The following NBEA variants were observed in gnomAD, a reference collection of about 807,000 sequenced individuals.
NBEA encodes lysosomal-trafficking regulator 2.
NBEA carries 44 observed loss-of-function variants against 343.4 expected under a neutral mutation model. The ratio of observed to expected loss-of-function variants is 0.13; its 90% CI spans 0.10 to 0.16. NBEA has a LOEUF of 0.16. Among genes scored for constraint, NBEA ranks in the 10% least tolerant of loss-of-function variants. NBEA has a pLI of 1.00. For missense variants in NBEA, 2,555 were observed against 3,631.3 expected, an observed-to-expected ratio of 0.70 and a Z score of 7.62; for synonymous variants, 1,175 against 1,238.7, an observed-to-expected ratio of 0.95 and a Z score of 1.08.
chr13:35,611,024 G>T (rs2153054553), intron 48 of NBEA, among the ~76,000 whole-genome samples: 1 of 144,066 alleles, frequency 6.9e-6, no homozygotes, highest in East Asian at 2.0e-4. Flanking sequence ...ACATTAGAAT[G>T]ACTTTAAAAA....
At chr13:35,337,382 T>C (rs949510810) in intron 36 of NBEA, among the ~76,000 whole-genome samples, 1 of 152,092 alleles carries the variant, frequency 6.6e-6, no homozygotes, top group African/African-American at 2.4e-5. Flanking sequence ...AACTATATTT[T>C]AATACAAAAA....
At chr13:34,943,200 A>T in intron 1 of NBEA, 86 bp downstream of exon 1, 2 of 1,516,994 alleles carry the variant, frequency 1.3e-6, no homozygotes, top group Non-Finnish European at 1.8e-6. Context: ...CTTCACCCCC[A>T]GGGTCACACG....
At chr13:35,175,198 C>A (rs1473243482) in intron 27 of NBEA, among the ~76,000 whole-genome samples, 2 of 152,106 alleles carry the variant, frequency 1.3e-5, no homozygotes, top group Admixed American at 6.6e-5. Context: ...GGTTTTGCGA[C>A]CTGAGAGAAA....
chr13:35,620,397 A>G (rs1353090011), intron 48 of NBEA, among the ~76,000 whole-genome samples: 1 of 152,008 alleles, frequency 6.6e-6, no homozygotes, highest in Non-Finnish European at 1.5e-5. Flanking sequence ...GGGAAAGAGC[A>G]TGGTGGGCAA....
In NBEA at chr13:35,593,439, G is replaced by C; in HGVS notation, c.7288G>C (p.Asp2430His). Residue 2430 changes from aspartate to histidine, a missense_variant, in exon 47 of 59, where the codon GAT becomes CAT. Physicochemically the swap from Asp to His is moderately conservative, Grantham distance 81 (BLOSUM62 -1). This residue lies in a region of NBEA where 156 missense variants were observed against 185.8 expected (regional missense o/e 0.84). Transcript: ENST00000379939. ...GAGAACTAGTCAGAGAGATACTTCTGATGTAAAGGTAGGCTCTTTTATTTG... is the reference window on the plus strand; with the variant it reads ...GAGAACTAGTCAGAGAGATACTTCTCATGTAAAGGTAGGCTCTTTTATTTG... ...SWRTSQRDTS[D>H]VKELIPEFYY... The C allele has an allele frequency of 6.2e-7, 1 of 1,606,020 alleles. No homozygotes were observed. The highest frequency in any genetic ancestry group is 8.5e-7 in the Non-Finnish European group (1 of 1,176,768).
chr13:35,548,267 A>G (rs531651345), intron 41 of NBEA, among the ~76,000 whole-genome samples: 1 of 152,332 alleles, frequency 6.6e-6, no homozygotes, highest in Non-Finnish European at 1.5e-5. Context: ...TATAAAATAC[A>G]GTTTTACATG....
chr13:34,999,462 A>C (rs1306503782), intron 1 of NBEA, among the ~76,000 whole-genome samples: 2 of 152,116 alleles, frequency 1.3e-5, no homozygotes, highest in Non-Finnish European at 2.9e-5. Flanking sequence ...ATGAGTGAAG[A>C]GCTTGACATT....
chr13:35,061,736 T>C (rs1288354531), intron 8 of NBEA, among the ~76,000 whole-genome samples: 1 of 151,766 alleles, frequency 6.6e-6, no homozygotes, highest in Non-Finnish European at 1.5e-5. Flanking sequence ...TTCAGAGGAT[T>C]TCCAATACTT....
At chr13:35,070,558 G>T (rs1288963377) in intron 9 of NBEA, among the ~76,000 whole-genome samples, 161 bp from the exon 10 acceptor site, 2 of 151,552 alleles carry the variant, frequency 1.3e-5, no homozygotes, top group African/African-American at 2.4e-5. Context: ...ATTAGCAAAG[G>T]TATTCACTTT....
intron 1 of NBEA, among the ~76,000 whole-genome samples, chr13:34,965,400 A>G (rs2059788793): frequency 6.6e-6 from 1 of 152,014 alleles, no homozygotes; most frequent in Non-Finnish European, 1.5e-5. Flanking sequence ...CCACAGTATC[A>G]CAGAGAAGAA....
intron 38 of NBEA, among the ~76,000 whole-genome samples, chr13:35,364,833 G>A (rs1191490273): frequency 6.6e-6 from 1 of 151,790 alleles, no homozygotes; most frequent in Non-Finnish European, 1.5e-5. Flanking sequence ...TTTAACAGGA[G>A]CCTTAAAAGA....
intron 10 of NBEA, among the ~76,000 whole-genome samples, chr13:35,094,337 C>A (rs1175469326): frequency 2.0e-5 from 3 of 152,056 alleles, no homozygotes; most frequent in Non-Finnish European, 4.4e-5. Context: ...TCAGTGATTT[C>A]ATGTGCTATC....
chr13:35,523,108 A>T (rs2077796788), intron 41 of NBEA, among the ~76,000 whole-genome samples: 1 of 152,202 alleles, frequency 6.6e-6, no homozygotes, highest in Non-Finnish European at 1.5e-5. Context: ...CACTAAGATA[A>T]TGACAAAAAC....
chr13:35,472,556 T>G lies in NBEA; in HGVS notation c.6585+20T>G. On this transcript the variant is annotated intron_variant, in intron 41 of 58. Coordinates refer to ENST00000379939, the MANE Select transcript of NBEA (RefSeq NM_001385012.1). Reference sequence around the variant, plus strand: ...ACGAAAGTGAGTTAAAGCGATTCCATGTACAGTATTGGTGGCTTTGTGGCA... The same window carrying G: ...ACGAAAGTGAGTTAAAGCGATTCCAGGTACAGTATTGGTGGCTTTGTGGCA... 6.2e-7 allele frequency: 1 copy of G among 1,613,946 alleles called. No individual in the cohort carries two copies. Among genetic ancestry groups the G allele is most frequent in the Non-Finnish European group, 8.5e-7 (1 of 1,179,834 alleles).
rs114985082 is a variant in NBEA at position 35,232,150 on chromosome 13, G to A, written c.5649-342G>A. Among the ~76,000 whole-genome samples the A allele has an allele frequency of 1.4e-3, 214 of 152,240 alleles. 1 individual carries two copies. The highest frequency in any genetic ancestry group is 4.7e-3 in the African/African-American group (197 of 41,560). On this transcript the variant is annotated intron_variant, in intron 33 of 58. Coordinates refer to ENST00000379939, the MANE Select transcript of NBEA (RefSeq NM_001385012.1). ...ACTGGCACAGGGACCCACATTGTCA[G>A]TGTTCCAGATCATTTTCTTTGATGG...
intron 36 of NBEA, among the ~76,000 whole-genome samples, chr13:35,327,420 T>C (rs2038642414): frequency 6.6e-6 from 1 of 152,202 alleles, no homozygotes; most frequent in East Asian, 1.9e-4. Flanking sequence ...ATGTGGTATG[T>C]ACACACCATG....
chr13:34,968,194 G>A (rs2059887662), intron 1 of NBEA, among the ~76,000 whole-genome samples: 1 of 152,094 alleles, frequency 6.6e-6, no homozygotes. Flanking sequence ...CCCTTACTGG[G>A]CACACCACCC....
At chr13:35,434,176 A>G (rs1363304002) in intron 39 of NBEA, among the ~76,000 whole-genome samples, 1 of 152,148 alleles carries the variant, frequency 6.6e-6, no homozygotes, top group Non-Finnish European at 1.5e-5. Context: ...AACCAGTGTC[A>G]AAGCCTATAA....
chr13:35,473,633 C>G (rs1190118530), intron 41 of NBEA, among the ~76,000 whole-genome samples: 2 of 152,104 alleles, frequency 1.3e-5, no homozygotes, highest in African/African-American at 4.8e-5. Flanking sequence ...TTAAAATGAG[C>G]TTGAATGCAC....
Sources: gnomAD v4.1 joint callset for allele counts (sites outside exome capture counted in the v4.1 genomes callset) on GRCh38, gnomAD v4.1.1 for gene constraint, gnomAD v4.1.1 regional missense constraint, MANE v1.5 for transcripts, NCBI Gene and HGNC (gene_info 2026-07-23, HGNC 2026-07-21) for gene names.